The following CRACDL variants were observed in gnomAD, a reference collection of about 807,000 sequenced individuals.
CRACDL encodes CRACD like.
Under a neutral mutation model 70.6 loss-of-function variants are expected in CRACDL, and 26 were observed. That is an observed-to-expected ratio of 0.37 (90% CI 0.27 to 0.51). CRACDL has a LOEUF of 0.51. Among genes scored for constraint, CRACDL ranks in the 20% least tolerant of loss-of-function variants. CRACDL has a pLI of 0.94. For missense variants in CRACDL, 1,283 were observed against 1,376.9 expected (o/e 0.93, Z 1.08); for synonymous variants, 618 against 615.2 (o/e 1.00, Z -0.07).
intron 2 of CRACDL, 49 bp from the exon 3 acceptor site, chr2:98,838,336 G>T: frequency 9.0e-7 from 1 of 1,113,546 alleles, no homozygotes; most frequent in Non-Finnish European, 1.3e-6. Context: ...TACAGTGTGT[G>T]TTTATGTGCA....
chr2:98,850,950 T>C (rs1043368801), intron 1 of CRACDL, among the ~76,000 whole-genome samples: 6 of 152,240 alleles, frequency 3.9e-5, no homozygotes, highest in Non-Finnish European at 5.9e-5. Flanking sequence ...GATTTTAATA[T>C]GGCATTTTAA....
At chr2:98,922,443 A>G (rs1036618714) in intron 1 of CRACDL, among the ~76,000 whole-genome samples, 3 of 151,592 alleles carry the variant, frequency 2.0e-5, no homozygotes, top group African/African-American at 7.3e-5. Flanking sequence ...CGTCTCAAAA[A>G]AAAAAAAAAA....
intron 1 of CRACDL, among the ~76,000 whole-genome samples, chr2:98,910,318 G>C (rs890714365): frequency 6.6e-6 from 1 of 152,026 alleles, no homozygotes; most frequent in Non-Finnish European, 1.5e-5. Flanking sequence ...CCAGGAGTTC[G>C]AGACCAGCCT....
intron 1 of CRACDL, among the ~76,000 whole-genome samples, chr2:98,854,740 C>A (rs1706628715): frequency 6.6e-6 from 1 of 152,094 alleles, no homozygotes; most frequent in Non-Finnish European, 1.5e-5. Flanking sequence ...AAGGAAACAT[C>A]AGACAAACCC....
intron 1 of CRACDL, among the ~76,000 whole-genome samples, chr2:98,863,025 G>A (rs1706999059): frequency 6.6e-6 from 1 of 151,490 alleles, no homozygotes; most frequent in African/African-American, 2.4e-5. Flanking sequence ...ATATGTTTAT[G>A]TGTGTGTATG....
rs1183421988 is a variant in CRACDL at position 98,822,557 on chromosome 2, C to T, written c.1716G>A (p.Lys572=). 9 of 1,466,486 alleles carry T rather than the reference C, an allele frequency of 6.1e-6. No individual in the cohort carries two copies. The Admixed American group carries it at 7.4e-5, about 12-fold the overall frequency. The allele number at this position is 1,466,486 out of a possible 1,614,324, so 90.8% of individuals were successfully genotyped here. A position where few individuals can be genotyped will look rare whatever the true frequency, so the allele number is the denominator to read the frequency against. The change falls in exon 7 of 10, where the codon AAG becomes AAA. Residue 572 remains lysine (K), a synonymous_variant. Coordinates refer to ENST00000397899, the MANE Select transcript of CRACDL (RefSeq NM_207362.3). This position sits in a 1 kb window ranked among gnomAD's most constrained non-coding sequence, Gnocchi z 4.9. ...ERGGAELRGA[K]KFSVSSCRAR... ...CTCGGCACGAGGACACCGAGAACTT[C>T]TTCGCGCCTCGCAGCTCGGCACCGC...
At chr2:98,892,397 A>G (rs956341449) in intron 1 of CRACDL, among the ~76,000 whole-genome samples, 1 of 152,112 alleles carries the variant, frequency 6.6e-6, no homozygotes, top group Non-Finnish European at 1.5e-5. Context: ...TTAAAAAAAA[A>G]AGATCTGAGC....
chr2:98,874,152 G>A lies in CRACDL; in HGVS notation c.-10-27342C>T, dbSNP rs149710665. ...TCTATTGTTAACAATGATCAGAAAC[G>A]AGTTAGGTAACTTCAGAATCTTCCC... On this transcript the variant is annotated intron_variant, in intron 1 of 9. Transcript: ENST00000397899. Among the ~76,000 whole-genome samples, 385 of 152,356 alleles carry A rather than the reference G, an allele frequency of 2.5e-3. 1 individual carries two copies. The highest frequency in any genetic ancestry group is 8.4e-3 in the African/African-American group (349 of 41,572).
intron 9 of CRACDL, among the ~76,000 whole-genome samples, chr2:98,795,077 A>ATATATTTTTTTTTTTTTTTTTT: frequency 5.1e-5 from 3 of 58,486 alleles, no homozygotes; most frequent in Non-Finnish European, 6.2e-5. Flanking sequence ...ATATATATAT[A>ATATATTTTTTTTTTTTTTTTTT]TTTTTTTTTT....
chr2:98,895,871 T>C lies in CRACDL; in HGVS notation c.-11+40067A>G, dbSNP rs185589956. Among the ~76,000 whole-genome samples the C allele has an allele frequency of 7.9e-5, 12 of 152,126 alleles. 1 individual carries two copies. The South Asian group carries it at 2.3e-3, about 29-fold the overall frequency. ...TTAGGTCATGGGGCTGGGGCCTTCA[T>C]GAATAAGATAAAAGAGAACCCAGAG... On this transcript the variant is annotated intron_variant, in intron 1 of 9. Coordinates refer to ENST00000397899, the MANE Select transcript of CRACDL (RefSeq NM_207362.3).
At chr2:98,839,416 A>AT (rs1277922916) in intron 2 of CRACDL, among the ~76,000 whole-genome samples, 3 of 152,238 alleles carry the variant, frequency 2.0e-5, no homozygotes, top group Non-Finnish European at 2.9e-5. Flanking sequence ...AGCATTTATG[A>AT]TTTTGAAAGA....
chr2:98,891,654 T>C (rs1333679217), intron 1 of CRACDL, among the ~76,000 whole-genome samples: 2 of 152,130 alleles, frequency 1.3e-5, no homozygotes, highest in Non-Finnish European at 2.9e-5. Flanking sequence ...TTCTTTCTTA[T>C]TTGGTCAAGT....
chr2:98,891,284 G>A (rs1707966723), intron 1 of CRACDL, among the ~76,000 whole-genome samples: 1 of 147,880 alleles, frequency 6.8e-6, no homozygotes, highest in South Asian at 2.1e-4. Flanking sequence ...GGCTGAGGCA[G>A]GAGAATCACT....
chr2:98,822,015 G>A lies in CRACDL; in HGVS notation c.2258C>T (p.Pro753Leu). The A allele has an allele frequency of 1.3e-6, 2 of 1,539,112 alleles. No homozygotes were observed. Among genetic ancestry groups the A allele is most frequent in the Non-Finnish European group, 8.8e-7 (1 of 1,142,084 alleles). Reference protein sequence around the residue: ...SDQGKGKARPPEPLSSKPPLP... With the variant: ...SDQGKGKARPLEPLSSKPPLP... ...GGGCGGCTTGGAGCTGAGCGGCTCG[G>A]GGGGCCGGGCCTTCCCCTTTCCTTG... The change falls in exon 7 of 10, where the codon CCC (proline) becomes CTC (leucine). Residue 753 changes from proline (P) to leucine (L), a missense_variant. This residue lies in a region of CRACDL where 921 missense variants were observed against 881.9 expected (regional missense o/e 1.04). Transcript: ENST00000397899. This position sits in a 1 kb window ranked among gnomAD's most constrained non-coding sequence, Gnocchi z 4.9.
chr2:98,864,146 T>C (rs1406110157), intron 1 of CRACDL, among the ~76,000 whole-genome samples: 1 of 151,970 alleles, frequency 6.6e-6, no homozygotes, highest in Non-Finnish European at 1.5e-5. Flanking sequence ...AATCAAAAAG[T>C]AGAAATAACC....
At chr2:98,901,285 T>C (rs1050301082) in intron 1 of CRACDL, among the ~76,000 whole-genome samples, 1 of 152,218 alleles carries the variant, frequency 6.6e-6, no homozygotes, top group East Asian at 1.9e-4. Context: ...ACTGAGCCTC[T>C]GCCACAGTGG....
At chr2:98,799,867 C>A (rs915386967) in intron 7 of CRACDL, among the ~76,000 whole-genome samples, 2 of 152,174 alleles carry the variant, frequency 1.3e-5, no homozygotes, top group South Asian at 2.1e-4. Context: ...CCTCCTGGGG[C>A]ATCCCTCCAG....
In CRACDL at chr2:98,822,534, C is replaced by T. The variant is rs768061978; in HGVS notation, c.1739G>A (p.Arg580Gln). ...GGAGACGCCCGGACGAGGCCGCGCT[C>T]GGCACGAGGACACCGAGAACTTCTT... Reference protein sequence around the residue: ...GAKKFSVSSCRARPRPGVSRP... With the variant: ...GAKKFSVSSCQARPRPGVSRP... The change falls in exon 7 of 10, where the codon CGA becomes CAA. Residue 580 changes from arginine (R) to glutamine (Q), a missense_variant. Physicochemically the swap from Arg to Gln is conservative, Grantham distance 43. Around this residue, in one of 2 missense-constraint regions of CRACDL, gnomAD observed 921 missense variants for 881.9 expected, o/e 1.04. Transcript: ENST00000397899. This position sits in a 1 kb window ranked among gnomAD's most constrained non-coding sequence, Gnocchi z 4.9. 1 of 1,461,162 alleles carries T rather than the reference C, an allele frequency of 6.8e-7. No homozygotes were observed. The highest frequency in any genetic ancestry group is 1.5e-5 in the African/African-American group (1 of 67,570). The allele number at this position is 1,461,162 out of a possible 1,614,324, so 90.5% of individuals were successfully genotyped here.
intron 2 of CRACDL, among the ~76,000 whole-genome samples, chr2:98,841,370 T>G (rs1484728886): frequency 6.6e-6 from 1 of 152,172 alleles, no homozygotes; most frequent in Non-Finnish European, 1.5e-5. Context: ...AAAATTCCAT[T>G]TATTCCATTG....
Sources: gnomAD v4.1 joint callset for allele counts (sites outside exome capture counted in the v4.1 genomes callset) on GRCh38, gnomAD v4.1.1 for gene constraint, gnomAD v4.1.1 regional missense constraint, Gnocchi (gnomAD v3.1) non-coding constraint, MANE v1.5 for transcripts, NCBI Gene and HGNC (gene_info 2026-07-23, HGNC 2026-07-21) for gene names.